MPPED1: variants seen among roughly 807,000 people sequenced by gnomAD.
MPPED1 encodes the protein metallophosphoesterase domain-containing protein 1.
Under a neutral mutation model 36.2 loss-of-function variants are expected in MPPED1, and 16 were observed. That is an observed-to-expected ratio of 0.44 (90% CI 0.30 to 0.67). The LOEUF is 0.67. Among genes scored for constraint, MPPED1 ranks in the 30% least tolerant of loss-of-function variants. The pLI is 0.10. For missense variants in MPPED1, 307 were observed against 453.4 expected, an observed-to-expected ratio of 0.68 and a Z score of 2.93; for synonymous variants, 199 against 191.3, an observed-to-expected ratio of 1.04 and a Z score of -0.33.
chr22:43,463,929 G>C (rs1332710633), intron 3 of MPPED1, among the ~76,000 whole-genome samples: 2 of 146,162 alleles, frequency 1.4e-5, no homozygotes, highest in Non-Finnish European at 3.0e-5. Context: ...TTTTCTTTGA[G>C]ACAGAGTCTT....
intron 4 of MPPED1, among the ~76,000 whole-genome samples, chr22:43,488,799 G>T (rs180977266): frequency 6.6e-6 from 1 of 152,338 alleles, no homozygotes; most frequent in African/African-American, 2.4e-5. Flanking sequence ...ACATAAAGCC[G>T]CCTTCCATGG....
In MPPED1 at chr22:43,502,854, T is replaced by C. The variant is rs1270791243; in HGVS notation, c.862+97T>C. 1 of 1,023,258 alleles carries C rather than the reference T, an allele frequency of 9.8e-7. No homozygotes were observed. The highest frequency in any genetic ancestry group is 1.5e-6 in the Non-Finnish European group (1 of 652,988). The allele number at this position is 1,023,258 out of a possible 1,614,324, so 63.4% of individuals were successfully genotyped here. A position where few individuals can be genotyped will look rare whatever the true frequency, so the allele number is the denominator to read the frequency against. ...TTCGTTCAGCCAGAAGGGAAATAAA[T>C]AGCCCATTCCTACTGTTCGCTTTGT... is the stretch of plus-strand genomic sequence containing the variant. On this transcript the variant is annotated intron_variant, in intron 6 of 6. Transcript: ENST00000443721. This position sits in a 1 kb window ranked among gnomAD's most constrained non-coding sequence, Gnocchi z 5.5.
chr22:43,453,853 C>T (rs532824143), intron 3 of MPPED1, among the ~76,000 whole-genome samples: 1 of 152,250 alleles, frequency 6.6e-6, no homozygotes, highest in East Asian at 1.9e-4. Flanking sequence ...GGCATTAAGA[C>T]CATTCACATT....
intron 4 of MPPED1, among the ~76,000 whole-genome samples, chr22:43,497,045 GTGGTGGTGGAGA>G (rs1932431510): frequency 6.8e-6 from 1 of 147,256 alleles, no homozygotes; most frequent in South Asian, 2.2e-4. Flanking sequence ...GGTGGAGGTA[GTGGTGGTGGAGA>G]TGGTGGTGGT....
chr22:43,493,389 A>G (rs1435961718), intron 4 of MPPED1, among the ~76,000 whole-genome samples: 1 of 152,212 alleles, frequency 6.6e-6, no homozygotes, highest in East Asian at 1.9e-4. Flanking sequence ...GGAACAGTGC[A>G]TGGCCCAGGG....
chr22:43,470,770 G>A (rs1461475512), intron 3 of MPPED1, among the ~76,000 whole-genome samples: 1 of 152,256 alleles, frequency 6.6e-6, no homozygotes, highest in African/African-American at 2.4e-5. Context: ...TTTACCTGGG[G>A]ATAGTAACAC....
At chr22:43,487,701 T>C (rs995272580) in intron 4 of MPPED1, among the ~76,000 whole-genome samples, 2 of 152,162 alleles carry the variant, frequency 1.3e-5, no homozygotes, top group Admixed American at 1.3e-4. Context: ...ACCCCAGGAA[T>C]TGTCTGTGTG....
chr22:43,472,403 A>T (rs1166284784), intron 3 of MPPED1, among the ~76,000 whole-genome samples: 1 of 152,178 alleles, frequency 6.6e-6, no homozygotes. Context: ...ACAGTCCTGC[A>T]AGGTCGCTGT....
rs545115657 is a variant in MPPED1, at chr22:43,479,394, C to T, written c.632+4433C>T. Reference sequence around the variant, plus strand: ...CTGCAGCTGGACATGTGGGCAGGGCCGACCAGGCTGAGGGGCAGACGTGTT... The same window carrying T: ...CTGCAGCTGGACATGTGGGCAGGGCTGACCAGGCTGAGGGGCAGACGTGTT... On this transcript the variant is annotated intron_variant, in intron 4 of 6. Transcript: ENST00000443721. Among the ~76,000 whole-genome samples the T allele has an allele frequency of 1.5e-3, 235 of 152,330 alleles. 1 individual carries two copies. Among genetic ancestry groups the T allele is most frequent in the Middle Eastern group, 3.4e-3 (1 of 294 alleles).
At chr22:43,464,336 G>C (rs926110671) in intron 3 of MPPED1, among the ~76,000 whole-genome samples, 1 of 136,488 alleles carries the variant, frequency 7.3e-6, no homozygotes, top group South Asian at 2.3e-4. Flanking sequence ...TGTGTGTGTG[G>C]TGGGCATAGG....
At chr22:43,472,827 G>T (rs1203008170) in intron 3 of MPPED1, among the ~76,000 whole-genome samples, 1 of 152,238 alleles carries the variant, frequency 6.6e-6, no homozygotes, top group Non-Finnish European at 1.5e-5. Context: ...CTAGCTGGGG[G>T]TAGAGAAGAA....
intron 3 of MPPED1, among the ~76,000 whole-genome samples, chr22:43,461,281 C>T (rs997733315): frequency 1.3e-5 from 2 of 152,100 alleles, no homozygotes; most frequent in Non-Finnish European, 2.9e-5. Flanking sequence ...GCTGTTTTTC[C>T]CCCTCCTGTG....
At chr22:43,499,530 AGGT>A (rs369426182) in intron 5 of MPPED1, among the ~76,000 whole-genome samples, 3,009 of 53,148 alleles carry the variant, frequency 0.057, 76 homozygotes, top group Non-Finnish European at 0.061. Context: ...GTGGTGATGG[AGGT>A]GGTGGTGATG....
chr22:43,448,549 A>G (rs135049), intron 3 of MPPED1, among the ~76,000 whole-genome samples: 104,368 of 152,034 alleles, frequency 0.69, 43,006 homozygotes, highest in Non-Finnish European at 0.89. Context: ...TCAGGATTCC[A>G]ACCCAAGGTC....
At chr22:43,463,662 C>T (rs567239032) in intron 3 of MPPED1, among the ~76,000 whole-genome samples, 3 of 152,196 alleles carry the variant, frequency 2.0e-5, no homozygotes, top group African/African-American at 7.2e-5. Flanking sequence ...TTCATGGGTG[C>T]AATATTTTAT....
At position 43,474,997 on chromosome 22, in the gene MPPED1, G is replaced by A. The variant is rs1455315071; in HGVS notation, c.632+36G>A. 5 of 1,592,934 alleles carry A rather than the reference G, an allele frequency of 3.1e-6. No individual in the cohort carries two copies. The highest frequency in any genetic ancestry group is 1.7e-5 in the Admixed American group (1 of 59,960). ...CTGGGTGCTGGTCCTGCCTGCTGGTGAGACCAGAGCTGAGGCTGAGCGCAG... is the reference window on the plus strand; with the variant it reads ...CTGGGTGCTGGTCCTGCCTGCTGGTAAGACCAGAGCTGAGGCTGAGCGCAG... On this transcript the variant is annotated intron_variant, in intron 4 of 6. Transcript: ENST00000443721. The surrounding 1 kb of genome is among the most constrained non-coding windows in gnomAD (Gnocchi z 5.2).
chr22:43,475,104 G>A (rs372741688), intron 4 of MPPED1, 143 bp downstream of exon 4: 32 of 697,488 alleles, frequency 4.6e-5, no homozygotes, highest in East Asian at 1.9e-4. Flanking sequence ...CCCTCTGTGT[G>A]ACCTAGGCAG....
intron 4 of MPPED1, among the ~76,000 whole-genome samples, chr22:43,482,184 G>A (rs1931770672): frequency 6.6e-6 from 1 of 152,142 alleles, no homozygotes; most frequent in Admixed American, 6.5e-5. Context: ...TGCATTTTTT[G>A]TTCTCATTTA....
intron 1 of MPPED1, among the ~76,000 whole-genome samples, chr22:43,422,821 C>T (rs1929321243): frequency 6.6e-6 from 1 of 152,140 alleles, no homozygotes; most frequent in African/African-American, 2.4e-5. Context: ...GCACAACCCC[C>T]AGGAGGTGGC....
Sources: gnomAD v4.1 joint callset for allele counts (sites outside exome capture counted in the v4.1 genomes callset) on GRCh38, gnomAD v4.1.1 for gene constraint, Gnocchi (gnomAD v3.1) non-coding constraint, MANE v1.5 for transcripts, NCBI Gene and HGNC (gene_info 2026-07-23, HGNC 2026-07-21) for gene names.